The following FHOD3 variants were observed in gnomAD, a reference collection of about 807,000 sequenced individuals.
FHOD3 encodes formin homology 2 domain containing 3.
In FHOD3, 90 loss-of-function variants were observed where a neutral mutation model predicts 173.0. The observed-to-expected ratio is 0.52, with a 90% CI of 0.44 to 0.62. FHOD3 has a LOEUF of 0.62. FHOD3 is among the 20% of genes least tolerant of loss of function. The pLI, the probability that FHOD3 is intolerant of heterozygous loss-of-function variation, is 0.00. For missense variants in FHOD3, 1,945 were observed against 2,034.7 expected, an observed-to-expected ratio of 0.96 and a Z score of 0.85; for synonymous variants, 828 against 823.0, an observed-to-expected ratio of 1.01 and a Z score of -0.10.
chr18:36,541,039 T>C (rs548205432), intron 5 of FHOD3, among the ~76,000 whole-genome samples: 2 of 147,868 alleles, frequency 1.4e-5, no homozygotes, highest in African/African-American at 5.0e-5. Flanking sequence ...TCACCTGAGA[T>C]CAGGAGTTAG....
chr18:36,540,428 G>C (rs1056512473), intron 5 of FHOD3, among the ~76,000 whole-genome samples: 1 of 152,180 alleles, frequency 6.6e-6, no homozygotes, highest in African/African-American at 2.4e-5. Context: ...GCTGGAGCTA[G>C]GGCTTTCGTA....
chr18:36,392,566 C>G (rs1342455883), intron 3 of FHOD3, among the ~76,000 whole-genome samples: 1 of 152,194 alleles, frequency 6.6e-6, no homozygotes, highest in African/African-American at 2.4e-5. Context: ...AGTCTACTTC[C>G]TGCCCTCCCA....
chr18:36,723,175 A>G (rs1038571635), intron 19 of FHOD3, among the ~76,000 whole-genome samples: 1 of 152,160 alleles, frequency 6.6e-6, no homozygotes, highest in African/African-American at 2.4e-5. Context: ...TAACAAATAA[A>G]CTGAATTCAT....
At chr18:36,321,577 C>T (rs1327057567) in intron 1 of FHOD3, among the ~76,000 whole-genome samples, 1 of 152,122 alleles carries the variant, frequency 6.6e-6, no homozygotes, top group East Asian at 1.9e-4. Flanking sequence ...TTGCTTTCTC[C>T]TGGGTTTAAA....
intron 1 of FHOD3, among the ~76,000 whole-genome samples, chr18:36,300,108 C>T (rs745965663): frequency 2.6e-5 from 4 of 152,324 alleles, no homozygotes; most frequent in Non-Finnish European, 5.9e-5. Context: ...TCCTTTCATA[C>T]TACACAGCTC....
chr18:36,468,103 G>T (rs1036701851), intron 3 of FHOD3, among the ~76,000 whole-genome samples: 2 of 152,142 alleles, frequency 1.3e-5, no homozygotes, highest in African/African-American at 4.8e-5. Flanking sequence ...AAGCTTCTGG[G>T]AGCCGAGAGG....
chr18:36,437,682 T>TTTTTTTTTTTTTTTTTTTTTTTTTTTA (rs71168224), intron 3 of FHOD3, among the ~76,000 whole-genome samples: 2 of 129,618 alleles, frequency 1.5e-5, no homozygotes. Flanking sequence ...TTTTTTTTTT[T>TTTTTTTTTTTTTTTTTTTTTTTTTTTA]AAGACAGAGT....
intron 5 of FHOD3, among the ~76,000 whole-genome samples, chr18:36,569,042 A>G (rs1439436186): frequency 6.6e-6 from 1 of 152,160 alleles, no homozygotes; most frequent in Non-Finnish European, 1.5e-5. Context: ...TAGAAACGAA[A>G]TTTACAATGA....
At chr18:36,729,748 T>C (rs932760706) in intron 19 of FHOD3, among the ~76,000 whole-genome samples, 10 of 152,188 alleles carry the variant, frequency 6.6e-5, no homozygotes, top group African/African-American at 1.9e-4. Context: ...ATCATCACTT[T>C]GGGGGTTAGG....
intron 9 of FHOD3, among the ~76,000 whole-genome samples, chr18:36,618,993 C>T (rs559767700): frequency 6.6e-6 from 1 of 152,296 alleles, no homozygotes. Context: ...TCTATATTCA[C>T]CCTAGTGAAG....
chr18:36,415,705 T>A (rs1412960137), intron 3 of FHOD3, among the ~76,000 whole-genome samples: 3 of 152,230 alleles, frequency 2.0e-5, no homozygotes, highest in Non-Finnish European at 4.4e-5. Context: ...ATTATCAGCA[T>A]GTTTCTCAAA....
chr18:36,327,656 C>T lies in FHOD3; in HGVS notation c.166-27883C>T, dbSNP rs184071252. On this transcript the variant is annotated intron_variant, in intron 1 of 28. Transcript: ENST00000590592. ...CCACTGCCATCATCTCTCTCTCTTT[C>T]TCAAATTGCGGTTTGAACCTCCTGG... is the stretch of plus-strand genomic sequence containing the variant. Among the ~76,000 whole-genome samples, 6 of 152,122 alleles carry T rather than the reference C, an allele frequency of 3.9e-5. No individual in the cohort carries two copies. The East Asian group carries it at 1.2e-3, about 29-fold the overall frequency.
intron 3 of FHOD3, among the ~76,000 whole-genome samples, chr18:36,377,123 T>G (rs989096537): frequency 3.9e-5 from 6 of 152,214 alleles, no homozygotes; most frequent in African/African-American, 1.2e-4. Context: ...GTCCCTGGGC[T>G]TCTGTATTCG....
chr18:36,610,160 A>G (rs2032526395), intron 8 of FHOD3, among the ~76,000 whole-genome samples: 1 of 152,210 alleles, frequency 6.6e-6, no homozygotes, highest in African/African-American at 2.4e-5. Context: ...CTGTGTAGGA[A>G]GTTTTAATTC....
chr18:36,405,130 ACAT>A (rs1279879168), intron 3 of FHOD3, among the ~76,000 whole-genome samples: 1 of 152,306 alleles, frequency 6.6e-6, no homozygotes, highest in East Asian at 1.9e-4. Context: ...TATTTATAAA[ACAT>A]CAGCCCCCGT....
At chr18:36,745,083 T>C (rs1326801410) in intron 23 of FHOD3, among the ~76,000 whole-genome samples, 1 of 151,734 alleles carries the variant, frequency 6.6e-6, no homozygotes, top group South Asian at 2.1e-4. Context: ...TGGGGAAGGA[T>C]GTGGGTTGGC....
At chr18:36,736,237 C>T (rs1407978692) in intron 20 of FHOD3, among the ~76,000 whole-genome samples, 1 of 152,230 alleles carries the variant, frequency 6.6e-6, no homozygotes, top group East Asian at 1.9e-4. Context: ...CCCGCAACCC[C>T]TGACACCCCA....
chr18:36,513,898 G>C (rs1331865399), intron 5 of FHOD3, among the ~76,000 whole-genome samples: 2 of 151,988 alleles, frequency 1.3e-5, no homozygotes, highest in African/African-American at 4.8e-5. Flanking sequence ...AGTGTTTGTG[G>C]GGCTGCGGAG....
intron 17 of FHOD3, among the ~76,000 whole-genome samples, chr18:36,701,905 T>C (rs1319908188): frequency 6.6e-6 from 1 of 152,218 alleles, no homozygotes; most frequent in Non-Finnish European, 1.5e-5. Context: ...CTAAGCCATC[T>C]CTGAAGTCAT....
Sources: allele counts gnomAD v4.1 joint callset (sites outside exome capture counted in the v4.1 genomes callset), GRCh38; gene constraint gnomAD v4.1.1; transcripts MANE v1.5; gene names NCBI Gene and HGNC (gene_info 2026-07-23, HGNC 2026-07-21).